Variants in DIO1 observed in about 807,000 individuals in gnomAD.
DIO1 encodes the protein iodothyronine deiodinase 1, also known as type I iodothyronine deiodinase.
DIO1 carries 17 observed loss-of-function variants against 25.9 expected under a neutral mutation model. The observed-to-expected ratio is 0.66, with a 90% CI of 0.45 to 0.98. The LOEUF is 0.98. DIO1 is among the 50% of genes least tolerant of loss of function. The pLI, the probability that DIO1 is intolerant of heterozygous loss-of-function variation, is 0.00. For synonymous variants in DIO1, 115 were observed against 114.0 expected (o/e 1.01, Z -0.05); for missense variants, 270 against 310.4 (o/e 0.87, Z 0.98).
chr1:53,898,796 A>G (rs1291919997), intron 1 of DIO1, among the ~76,000 whole-genome samples: 1 of 151,664 alleles, frequency 6.6e-6, no homozygotes, highest in African/African-American at 2.4e-5. Flanking sequence ...GAAACCCACC[A>G]GGCCACCAAA....
At chr1:53,900,243 T>C (rs79831912) in intron 1 of DIO1, among the ~76,000 whole-genome samples, 1,744 of 152,328 alleles carry the variant, frequency 0.011, 35 homozygotes, top group African/African-American at 0.039. Context: ...AACAAATGCA[T>C]GGGACCTATG....
intron 1 of DIO1, among the ~76,000 whole-genome samples, chr1:53,904,211 G>A (rs1651523828): frequency 6.6e-6 from 1 of 152,234 alleles, no homozygotes; most frequent in African/African-American, 2.4e-5. Context: ...ACTGAATTGA[G>A]AGTTCAGAAA....
chr1:53,903,320 G>C (rs908719583), intron 1 of DIO1: 1 of 152,008 alleles, frequency 6.6e-6, no homozygotes, highest in South Asian at 2.1e-4. Flanking sequence ...TGGGGTGGTG[G>C]GCAGGTGGGA....
chr1:53,899,723 G>A (rs2284453), intron 1 of DIO1, among the ~76,000 whole-genome samples: 34,565 of 152,052 alleles, frequency 0.23, 4,168 homozygotes, highest in African/African-American at 0.3. Context: ...TGTTGCCCAG[G>A]CTGGAGTGCA....
At chr1:53,906,014 A>G in intron 2 of DIO1, 81 bp from the exon 3 acceptor site, 1 of 1,347,984 alleles carries the variant, frequency 7.4e-7, no homozygotes, top group Non-Finnish European at 1.0e-6. Context: ...TGAGAACCTC[A>G]GTTAAAAGTG....
intron 1 of DIO1, among the ~76,000 whole-genome samples, chr1:53,902,076 C>T (rs1459183126): frequency 1.3e-5 from 2 of 151,796 alleles, no homozygotes; most frequent in Non-Finnish European, 2.9e-5. Flanking sequence ...CTCTCTATGC[C>T]GGGTTCCTGC....
rs914590267 is a variant in DIO1 at position 53,904,080 on chromosome 1, G to T, written c.338-586G>T. Among the ~76,000 whole-genome samples the T allele has an allele frequency of 2.6e-5, 4 of 152,088 alleles. No homozygotes were observed. The East Asian group carries it at 7.7e-4, about 29-fold the overall frequency. Reference sequence around the variant, plus strand: ...TATATTTATGAAGCACCTACTATGGGCCAGTAACCAGTTTAAGCCCTTATC... The same window carrying T: ...TATATTTATGAAGCACCTACTATGGTCCAGTAACCAGTTTAAGCCCTTATC... On this transcript the variant is annotated intron_variant, in intron 1 of 3. Transcript: ENST00000361921.
chr1:53,895,316 G>A (rs909973093), intron 1 of DIO1, among the ~76,000 whole-genome samples: 7 of 152,098 alleles, frequency 4.6e-5, no homozygotes, highest in Non-Finnish European at 7.4e-5. Context: ...CCAGCTACTC[G>A]GGAGGCTGAG....
intron 1 of DIO1, among the ~76,000 whole-genome samples, chr1:53,897,721 G>A (rs1651152049): frequency 6.6e-6 from 1 of 151,882 alleles, no homozygotes; most frequent in African/African-American, 2.4e-5. Flanking sequence ...ATGAGGTGGT[G>A]TGAGCCTGTA....
chr1:53,905,836 T>C (rs149538138), intron 2 of DIO1, among the ~76,000 whole-genome samples: 1 of 152,332 alleles, frequency 6.6e-6, no homozygotes, highest in African/African-American at 2.4e-5. Flanking sequence ...TTCATGCACA[T>C]TCAAGATCAA....
At chr1:53,896,628 C>T (rs1038926199) in intron 1 of DIO1, among the ~76,000 whole-genome samples, 25 of 152,308 alleles carry the variant, frequency 1.6e-4, no homozygotes, top group African/African-American at 6.0e-4. Context: ...ACTATATCCC[C>T]CTCCTATGCA....
chr1:53,904,839 T>A, intron 2 of DIO1, 30 bp downstream of exon 2: 1 of 1,596,134 alleles, frequency 6.3e-7, no homozygotes, highest in Non-Finnish European at 8.5e-7. Flanking sequence ...CTCTTCTACC[T>A]CTTCCCACTG....
At position 53,906,215 on chromosome 1, in the gene DIO1, T is replaced by A; in HGVS notation, c.602T>A (p.Met201Lys). Residue 201 changes from methionine (M) to lysine (K), a missense_variant, in exon 3 of 4, where the codon ATG becomes AAG. Coordinates refer to ENST00000361921, the MANE Select transcript of DIO1 (RefSeq NM_000792.7). Reference sequence around the variant, plus strand: ...CAGTGCCCTGTGGTGGTGGACACCATGCAGAACCAGAGCAGCCAGCTCTAC... The same window carrying A: ...CAGTGCCCTGTGGTGGTGGACACCAAGCAGAACCAGAGCAGCCAGCTCTAC... ...SPQCPVVVDT[M>K]QNQSSQLYAA... 1 of 1,614,190 alleles carries A rather than the reference T, an allele frequency of 6.2e-7. No homozygotes were observed. Among genetic ancestry groups the A allele is most frequent in the Non-Finnish European group, 8.5e-7 (1 of 1,180,034 alleles).
In DIO1 at chr1:53,894,358, A is replaced by C. The variant is rs758015106; in HGVS notation, c.148A>C (p.Met50Leu). The part of the protein sequence containing the change: ...NILAMGEKTG[M>L]TRNPHFSHDN... The stretch of plus-strand genomic sequence containing the variant: ...CCTGGCCATGGGCGAGAAGACGGGT[A>C]TGACCAGGAACCCCCATTTCAGCCA... Residue 50 changes from methionine to leucine, a missense_variant, in exon 1 of 4, where the codon ATG becomes CTG. Transcript: ENST00000361921. This position sits in a 1 kb window ranked among gnomAD's most constrained non-coding sequence, Gnocchi z 4.9. 3.7e-6 allele frequency: 6 copies of C among 1,614,228 alleles called. No homozygotes were observed. The highest frequency in any genetic ancestry group is 5.1e-6 in the Non-Finnish European group (6 of 1,180,040).
intron 3 of DIO1, among the ~76,000 whole-genome samples, chr1:53,906,584 G>A (rs762343784): frequency 1.3e-5 from 2 of 152,172 alleles, no homozygotes; most frequent in Non-Finnish European, 2.9e-5. Context: ...CCCAGATGAT[G>A]GCCCAGTCCT....
intron 1 of DIO1, among the ~76,000 whole-genome samples, chr1:53,900,800 C>G (rs1353255979): frequency 1.3e-5 from 2 of 151,826 alleles, no homozygotes; most frequent in African/African-American, 4.8e-5. Flanking sequence ...ACTAGCTAGC[C>G]CAGGCGCCCA....
chr1:53,907,959 C>T (rs12059928), intron 3 of DIO1, among the ~76,000 whole-genome samples: 17,384 of 143,264 alleles, frequency 0.12, 1,307 homozygotes, highest in African/African-American at 0.21. Flanking sequence ...CGCAGTGGCT[C>T]ATGCCTGTAA....
Position 53,906,092 on chromosome 1 carries a change from T to C in DIO1, c.482-3T>C, listed in dbSNP as rs781454937. 2 of 1,614,178 alleles carry C rather than the reference T, an allele frequency of 1.2e-6. No individual in the cohort carries two copies. ...GACTCGGTGCCTGGCCTTTCTCTTG[T>C]AGATGGCTGGGCTTTTAAGAACAAC... is the stretch of plus-strand genomic sequence containing the variant. On this transcript the variant is annotated splice_region_variant and splice_polypyrimidine_tract_variant and intron_variant, in intron 2 of 3. Coordinates refer to ENST00000361921, the MANE Select transcript of DIO1 (RefSeq NM_000792.7).
rs115485347 is a variant in DIO1 at position 53,904,555 on chromosome 1, G to T, written c.338-111G>T. Reference sequence around the variant, plus strand: ...CAGTGCCTAGGACCCATCCTGGGGTGGGGGGTAGGGGGAAATAAAAATAAC... The same window carrying T: ...CAGTGCCTAGGACCCATCCTGGGGTTGGGGGTAGGGGGAAATAAAAATAAC... On this transcript the variant is annotated intron_variant, in intron 1 of 3. Coordinates refer to ENST00000361921, the MANE Select transcript of DIO1 (RefSeq NM_000792.7). 1.2e-3 allele frequency: 1,642 copies of T among 1,358,946 alleles called. 17 individuals are homozygous for T. In the African/African-American group the frequency reaches 0.022, roughly 18 times the overall value. The allele number at this position is 1,358,946 out of a possible 1,614,324, so 84.2% of individuals were successfully genotyped here.
Sources: gnomAD v4.1 joint callset for allele counts (sites outside exome capture counted in the v4.1 genomes callset) on GRCh38, gnomAD v4.1.1 for gene constraint, Gnocchi (gnomAD v3.1) non-coding constraint, MANE v1.5 for transcripts, NCBI Gene and HGNC (gene_info 2026-07-23, HGNC 2026-07-21) for gene names.